The following CXCL13 variants were observed in gnomAD, a reference collection of about 807,000 sequenced individuals.
CXCL13 encodes the protein C-X-C motif chemokine ligand 13.
Under a neutral mutation model 12.2 loss-of-function variants are expected in CXCL13, and 7 were observed. The observed-to-expected ratio is 0.57, with a 90% CI of 0.33 to 1.07. The LOEUF is 1.07. CXCL13 is among the 50% of genes least tolerant of loss of function. The pLI is 0.04. For synonymous variants in CXCL13, 47 were observed against 42.4 expected, an observed-to-expected ratio of 1.11 and a Z score of -0.42; for missense variants, 113 against 127.4, an observed-to-expected ratio of 0.89 and a Z score of 0.55.
intron 1 of CXCL13, among the ~76,000 whole-genome samples, chr4:77,596,918 T>C (rs969743712): frequency 1.1e-4 from 16 of 152,104 alleles, no homozygotes; most frequent in African/African-American, 2.2e-4. Context: ...TAAGTGTCTA[T>C]TGATGGAAGA....
At chr4:77,562,781 G>A (rs1424645083) in intron 1 of CXCL13, among the ~76,000 whole-genome samples, 1 of 152,146 alleles carries the variant, frequency 6.6e-6, no homozygotes, top group Non-Finnish European at 1.5e-5. Context: ...TGGGGATTTG[G>A]AGAACTTTTG....
At chr4:77,554,198 C>T (rs1431225038) in intron 1 of CXCL13, among the ~76,000 whole-genome samples, 2 of 151,998 alleles carry the variant, frequency 1.3e-5, no homozygotes, top group Non-Finnish European at 2.9e-5. Context: ...ATTTTTTTGG[C>T]AGCCAATGCA....
intron 1 of CXCL13, among the ~76,000 whole-genome samples, chr4:77,536,015 G>C (rs76188332): frequency 0.022 from 3,320 of 152,192 alleles, 110 homozygotes; most frequent in African/African-American, 0.077. Flanking sequence ...GATTATACTT[G>C]ATAGAATAAA....
chr4:77,537,503 T>C (rs1725088275), intron 1 of CXCL13, among the ~76,000 whole-genome samples: 1 of 152,118 alleles, frequency 6.6e-6, no homozygotes, highest in Non-Finnish European at 1.5e-5. Flanking sequence ...AGAGAATAGG[T>C]CTGGAGGGGC....
At chr4:77,552,407 C>T (rs2109807649) in intron 1 of CXCL13, among the ~76,000 whole-genome samples, 1 of 152,306 alleles carries the variant, frequency 6.6e-6, no homozygotes, top group South Asian at 2.1e-4. Flanking sequence ...TTACTCTGTG[C>T]AGTTCAAACT....
chr4:77,581,088 G>C (rs1396917287), intron 1 of CXCL13, among the ~76,000 whole-genome samples: 1 of 152,072 alleles, frequency 6.6e-6, no homozygotes, highest in Non-Finnish European at 1.5e-5. Flanking sequence ...GCTTGGGGTT[G>C]GGGGAGTGAG....
intron 1 of CXCL13, among the ~76,000 whole-genome samples, chr4:77,576,399 G>C (rs1726197276): frequency 6.6e-6 from 1 of 152,120 alleles, no homozygotes; most frequent in African/African-American, 2.4e-5. Flanking sequence ...TCTCTGCCTG[G>C]CTTCTCCAGA....
rs151202898 is a variant in CXCL13 at position 77,594,753 on chromosome 4, G to A, written c.-42-11071G>A. Among the ~76,000 whole-genome samples, 551 of 152,240 alleles carry A rather than the reference G, an allele frequency of 3.6e-3. 1 individual carries two copies. The highest frequency in any genetic ancestry group is 0.011 in the African/African-American group (471 of 41,528). ...ACAACACACACTGTTCAGGCCTGTC[G>A]GGGTAGGAGGCTGGGGAAGGGAGAG... On this transcript the variant is annotated intron_variant, in intron 1 of 4. Transcript: ENST00000286758.
chr4:77,561,448 A>C (rs1355571976), intron 1 of CXCL13, among the ~76,000 whole-genome samples: 1 of 152,214 alleles, frequency 6.6e-6, no homozygotes, highest in Admixed American at 6.5e-5. Flanking sequence ...ATACAGTTCT[A>C]ATTATCCCAA....
At position 77,557,010 on chromosome 4, in the gene CXCL13, C is replaced by T. The variant is rs142769618; in HGVS notation, c.-43+45222C>T. 2.9e-3 allele frequency among the ~76,000 whole-genome samples: 445 copies of T among 151,074 alleles called. 2 individuals carry two copies. Among genetic ancestry groups the T allele is most frequent in the African/African-American group, 0.01 (431 of 41,062 alleles). On this transcript the variant is annotated intron_variant, in intron 1 of 4. Coordinates refer to the CXCL13 transcript ENST00000286758. The stretch of plus-strand genomic sequence containing the variant: ...CCAGCCTGGGCTGCAGAGTGAGACC[C>T]AAAAGACTGTCTCTAAAAAATAAAA...
chr4:77,514,828 A>G (rs1176349437), intron 1 of CXCL13, among the ~76,000 whole-genome samples: 1 of 152,040 alleles, frequency 6.6e-6, no homozygotes, highest in Non-Finnish European at 1.5e-5. Context: ...CCATTTGTCA[A>G]TTTTGGCTTT....
rs1015001550 is a variant in CXCL13 at position 77,580,308 on chromosome 4, C to CT, written c.-42-25479dup. Among the ~76,000 whole-genome samples the CT allele has an allele frequency of 8.8e-3, 155 of 17,616 alleles. 51 individuals carry two copies. Among genetic ancestry groups the CT allele is most frequent in the Non-Finnish European group, 9.3e-3 (88 of 9,470 alleles). 11.6% of individuals were successfully genotyped at this position (17,616 alleles called of 152,430 possible). A position where few individuals can be genotyped will look rare whatever the true frequency, so the allele number is the denominator to read the frequency against. Reference sequence around the variant, plus strand: ...TTTTTTAAAAAGACAAGTTTTCTTTCTTTTTTTTTTTTTTTTTTTTTTTTT... The same window carrying CT: ...TTTTTTAAAAAGACAAGTTTTCTTTCTTTTTTTTTTTTTTTTTTTTTTTTTT... On this transcript the variant is annotated intron_variant, in intron 1 of 4. Coordinates refer to the CXCL13 transcript ENST00000286758.
At chr4:77,556,547 T>C (rs934665374) in intron 1 of CXCL13, among the ~76,000 whole-genome samples, 11 of 152,164 alleles carry the variant, frequency 7.2e-5, no homozygotes, top group Admixed American at 1.3e-4. Flanking sequence ...TGTATACATG[T>C]GTCAAAACTC....
chr4:77,562,901 G>A (rs1725846265), intron 1 of CXCL13, among the ~76,000 whole-genome samples: 2 of 152,180 alleles, frequency 1.3e-5, no homozygotes, highest in South Asian at 4.1e-4. Flanking sequence ...TCAATCAGCA[G>A]GATGTGGGTG....
At chr4:77,580,345 T>C (rs1305693916) in intron 1 of CXCL13, among the ~76,000 whole-genome samples, 9 of 133,962 alleles carry the variant, frequency 6.7e-5, no homozygotes, top group Non-Finnish European at 1.3e-4. Context: ...TTTTTTTTTT[T>C]GAGATGGAGT....
intron 1 of CXCL13, among the ~76,000 whole-genome samples, chr4:77,599,533 A>T (rs1219673120): frequency 6.6e-6 from 1 of 152,208 alleles, no homozygotes; most frequent in Non-Finnish European, 1.5e-5. Context: ...GACTGTATTC[A>T]TTTGGAACGT....
At chr4:77,594,221 G>A (rs1356536105) in intron 1 of CXCL13, among the ~76,000 whole-genome samples, 2 of 152,146 alleles carry the variant, frequency 1.3e-5, no homozygotes, top group African/African-American at 2.4e-5. Context: ...GTCATGCAGA[G>A]GACGAGAGGA....
At chr4:77,538,282 T>C (rs1725110792) in intron 1 of CXCL13, among the ~76,000 whole-genome samples, 1 of 152,258 alleles carries the variant, frequency 6.6e-6, no homozygotes, top group East Asian at 1.9e-4. Context: ...CAGAGCTCTG[T>C]TTCTGCTCAG....
At chr4:77,574,129 G>A (rs1456303102) in intron 1 of CXCL13, among the ~76,000 whole-genome samples, 9 of 151,844 alleles carry the variant, frequency 5.9e-5, no homozygotes, top group Admixed American at 5.9e-4. Flanking sequence ...TCTTAAAAAT[G>A]GATAAAAAGT....
Sources: gnomAD v4.1 joint callset for allele counts (sites outside exome capture counted in the v4.1 genomes callset) on GRCh38, gnomAD v4.1.1 for gene constraint, MANE v1.5 for transcripts, NCBI Gene and HGNC (gene_info 2026-07-23, HGNC 2026-07-21) for gene names.